The following ZNF469 variants were observed in gnomAD, a reference collection of about 807,000 sequenced individuals.
ZNF469 encodes the protein zinc finger protein 469.
Under a neutral mutation model 1.0 loss-of-function variants are expected in ZNF469, and 1 was observed. The ratio of observed to expected loss-of-function variants is 1.00; its 90% CI spans 0.35 to 4.73. The LOEUF (loss-of-function observed/expected upper bound fraction) is 4.73. Ranked by LOEUF, ZNF469 falls within the 30% of genes most tolerant of loss-of-function variation. ZNF469 has a pLI of 0.16. For missense variants in ZNF469, 6,100 were observed against 5,356.3 expected (o/e 1.14, Z -4.33); for synonymous variants, 2,703 against 2,363.4 (o/e 1.14, Z -4.17).
intron 1 of ZNF469, among the ~76,000 whole-genome samples, chr16:88,398,272 A>C (rs1028364444): frequency 6.6e-6 from 1 of 152,232 alleles, no homozygotes; most frequent in Non-Finnish European, 1.5e-5. Flanking sequence ...GCCACGGACA[A>C]AGGGAAACGT....
chr16:88,117,653 T>G, the ZNF469 span, among the ~76,000 whole-genome samples: 1 of 151,464 alleles, frequency 6.6e-6, no homozygotes, highest in African/African-American at 2.4e-5. Flanking sequence ...GTGCCACGTG[T>G]CTTCACAAAC....
the ZNF469 span, among the ~76,000 whole-genome samples, chr16:88,377,891 G>C: frequency 2.5e-4 from 26 of 105,574 alleles, no homozygotes; most frequent in Non-Finnish European, 3.5e-4. Flanking sequence ...TTTGATGCCA[G>C]GAAAAAAAAA....
chr16:88,429,007 T>A lies in ZNF469; in HGVS notation c.1537T>A (p.Trp513Arg). ...RLPFPAGGPEWQGGSQGALGT... is the reference protein window; with the variant it reads ...RLPFPAGGPERQGGSQGALGT... ...GCCTTTCCCCGCGGGGGGCCCCGAG[T>A]GGCAGGGGGGCAGCCAAGGAGCCCT... Residue 513 changes from tryptophan (W) to arginine (R), a missense_variant, in exon 3 of 3, where the codon TGG becomes AGG. Trp to Arg is a moderately radical substitution (Grantham distance 101, BLOSUM62 -3). Coordinates refer to ENST00000565624, the MANE Select transcript of ZNF469 (RefSeq NM_001367624.2). The A allele has an allele frequency of 6.5e-7, 1 of 1,549,172 alleles. No individual in the cohort carries two copies. Among genetic ancestry groups the A allele is most frequent in the Non-Finnish European group, 8.7e-7 (1 of 1,146,632 alleles).
chr16:88,368,839 G>A, the ZNF469 span, among the ~76,000 whole-genome samples: 1 of 152,184 alleles, frequency 6.6e-6, no homozygotes, highest in African/African-American at 2.4e-5. Flanking sequence ...GCTCATGCCT[G>A]TAATCTCAGC....
At chr16:88,112,763 G>A in the ZNF469 span, among the ~76,000 whole-genome samples, 20 of 143,752 alleles carry the variant, frequency 1.4e-4, no homozygotes, top group African/African-American at 5.0e-4. Context: ...TCTCTCTGCT[G>A]TGCAGAAGCT....
the ZNF469 span, among the ~76,000 whole-genome samples, chr16:88,262,956 T>A: frequency 6.6e-6 from 1 of 152,228 alleles, no homozygotes; most frequent in African/African-American, 2.4e-5. The surrounding 1 kb of genome is among the most constrained non-coding windows in gnomAD (Gnocchi z 4.3). Context: ...CTGGGCTCCC[T>A]CTCAGTGGAG....
the ZNF469 span, among the ~76,000 whole-genome samples, chr16:88,239,667 G>T: frequency 9.2e-4 from 26 of 28,206 alleles, no homozygotes; most frequent in Admixed American, 2.7e-3. Context: ...TTTTTTTTTT[G>T]TATATATATA....
At chr16:88,368,372 C>T in the ZNF469 span, among the ~76,000 whole-genome samples, 12 of 152,306 alleles carry the variant, frequency 7.9e-5, no homozygotes, top group African/African-American at 1.9e-4. Context: ...TGATGGAGGC[C>T]GAGCTCCTTG....
chr16:88,350,595 G>A, the ZNF469 span, among the ~76,000 whole-genome samples: 4 of 152,370 alleles, frequency 2.6e-5, no homozygotes, highest in South Asian at 8.3e-4. Flanking sequence ...CCCTGTGGTG[G>A]GCGGAATAAG....
In ZNF469 at chr16:88,430,494, C is replaced by T; in HGVS notation, c.3024C>T (p.Pro1008=). 2 of 1,420,446 alleles carry T rather than the reference C, an allele frequency of 1.4e-6. No homozygotes were observed. Among genetic ancestry groups the T allele is most frequent in the South Asian group, 3.0e-5 (2 of 65,806 alleles). 88.0% of individuals were successfully genotyped at this position (1,420,446 alleles called of 1,614,324 possible). A position where few individuals can be genotyped will look rare whatever the true frequency, so the allele number is the denominator to read the frequency against. Residue 1008 remains proline (P), a synonymous_variant, in exon 3 of 3, where the codon CCC becomes CCT. Transcript: ENST00000565624. ...AGGCCCCCGGGAGCCGCGCAGACCC[C>T]GCGCCCCGGGTCCCGAGAGCCGCCG... The part of the protein sequence containing the change: ...RTQAPGSRAD[P]APRVPRAAAL...
the ZNF469 span, among the ~76,000 whole-genome samples, chr16:88,263,978 C>T: frequency 6.6e-6 from 1 of 152,120 alleles, no homozygotes; most frequent in Non-Finnish European, 1.5e-5. Flanking sequence ...AGCGCTTCTC[C>T]ACTTCCCAGG....
chr16:88,220,532 G>A, the ZNF469 span, among the ~76,000 whole-genome samples: 12 of 152,270 alleles, frequency 7.9e-5, no homozygotes, highest in African/African-American at 2.9e-4. Flanking sequence ...GGGTGAACCG[G>A]GTGCTCTCAT....
the ZNF469 span, among the ~76,000 whole-genome samples, chr16:88,337,031 C>A: frequency 1.3e-5 from 2 of 152,234 alleles, no homozygotes; most frequent in East Asian, 3.8e-4. Context: ...GTGTTTCACT[C>A]CTCTTCGTGG....
the ZNF469 span, among the ~76,000 whole-genome samples, chr16:88,344,581 G>A: frequency 6.6e-6 from 1 of 152,230 alleles, no homozygotes; most frequent in Non-Finnish European, 1.5e-5. Context: ...ACATTGCACT[G>A]GGGGCCGGGA....
the ZNF469 span, among the ~76,000 whole-genome samples, chr16:88,262,560 C>T: frequency 1.3e-5 from 2 of 152,202 alleles, no homozygotes; most frequent in South Asian, 2.1e-4. The surrounding 1 kb of genome is among the most constrained non-coding windows in gnomAD (Gnocchi z 4.3). Context: ...CTGGAAAAGA[C>T]AGCCATGAAC....
chr16:88,386,577 C>T (rs940751384), intron 1 of ZNF469, among the ~76,000 whole-genome samples: 2 of 152,208 alleles, frequency 1.3e-5, no homozygotes, highest in Non-Finnish European at 2.9e-5. Context: ...TCTCCCCGGG[C>T]TCAGCAGGCG....
chr16:88,385,730 T>A (rs1054402083), intron 1 of ZNF469, among the ~76,000 whole-genome samples: 3 of 151,986 alleles, frequency 2.0e-5, no homozygotes, highest in Admixed American at 6.5e-5. Flanking sequence ...GTGTAGTAGT[T>A]AAGAGTCCAG....
At chr16:88,272,704 G>T in the ZNF469 span, among the ~76,000 whole-genome samples, 2 of 151,710 alleles carry the variant, frequency 1.3e-5, no homozygotes, top group East Asian at 1.9e-4. Context: ...ACGGATGGAT[G>T]AACGGGTGGG....
chr16:88,433,236 G>A lies in ZNF469; in HGVS notation c.5766G>A (p.Leu1922=), dbSNP rs777372376. 2 of 1,550,322 alleles carry A rather than the reference G, an allele frequency of 1.3e-6. No individual in the cohort carries two copies. The highest frequency in any genetic ancestry group is 1.2e-5 in the South Asian group (1 of 84,068). ...VAKSKDGILG[L]QELTPAAQSP... is the part of the protein sequence containing the mutation. ...AGAGTAAAGATGGCATCCTGGGCTTGCAGGAGCTGACACCTGCTGCCCAGA... is the reference window on the plus strand; with the variant it reads ...AGAGTAAAGATGGCATCCTGGGCTTACAGGAGCTGACACCTGCTGCCCAGA... Residue 1922 remains leucine (L), a synonymous_variant, in exon 3 of 3, where the codon TTG becomes TTA. Coordinates refer to ENST00000565624, the MANE Select transcript of ZNF469 (RefSeq NM_001367624.2).
Sources: gnomAD v4.1 joint callset for allele counts (sites outside exome capture counted in the v4.1 genomes callset) on GRCh38, gnomAD v4.1.1 for gene constraint, Gnocchi (gnomAD v3.1) non-coding constraint, MANE v1.5 for transcripts, NCBI Gene and HGNC (gene_info 2026-07-23, HGNC 2026-07-21) for gene names.